The following SDK1 variants were observed in gnomAD, a reference collection of about 807,000 sequenced individuals.
The protein encoded by SDK1 is sidekick cell adhesion molecule 1.
In SDK1, 157 loss-of-function variants were observed where a neutral mutation model predicts 245.5. That is an observed-to-expected ratio of 0.64 (90% CI 0.56 to 0.73). The LOEUF (loss-of-function observed/expected upper bound fraction) is 0.73. Among genes scored for constraint, SDK1 ranks in the 30% least tolerant of loss-of-function variants. SDK1 has a pLI of 0.00. For synonymous variants in SDK1, 1,647 were observed against 1,278.5 expected (o/e 1.29, Z -6.15); for missense variants, 3,583 against 3,002.3 (o/e 1.19, Z -4.52).
chr7:3,602,715 C>T (rs972060748), intron 1 of SDK1, among the ~76,000 whole-genome samples: 2 of 152,002 alleles, frequency 1.3e-5, no homozygotes, highest in African/African-American at 4.8e-5. Context: ...CTTTTGTTGC[C>T]ATTGCTTTTG....
rs1584442005 is a variant in SDK1 at position 4,205,803 on chromosome 7, C to A, written c.5099-76C>A. ...GCGGAATTAGGGCATGCTCGAGCCC[C>A]ATGGGCATGTGGGCGAGGGTCCGGG... is the stretch of plus-strand genomic sequence containing the variant. On this transcript the variant is annotated intron_variant, in intron 35 of 44. Coordinates refer to ENST00000404826, the MANE Select transcript of SDK1 (RefSeq NM_152744.4). 3 of 1,170,514 alleles carry A rather than the reference C, an allele frequency of 2.6e-6. No individual in the cohort carries two copies. In the South Asian group the frequency reaches 4.0e-5, roughly 15 times the overall value. The allele number at this position is 1,170,514 out of a possible 1,614,324, so 72.5% of individuals were successfully genotyped here.
intron 1 of SDK1, among the ~76,000 whole-genome samples, chr7:3,321,710 C>T (rs1779807967): frequency 4.0e-5 from 2 of 50,610 alleles, no homozygotes; most frequent in Non-Finnish European, 7.3e-5. Context: ...CTCCTCCTCC[C>T]CCTCCCTCTC....
At chr7:4,225,640 C>T (rs936939304) in intron 40 of SDK1, among the ~76,000 whole-genome samples, 5 of 152,172 alleles carry the variant, frequency 3.3e-5, no homozygotes, top group Admixed American at 1.3e-4. Context: ...CCTGGCAGGC[C>T]GTGCGGATTA....
At position 4,033,806 on chromosome 7, in the gene SDK1, C is replaced by T. The variant is rs367650182; in HGVS notation, c.2603-15542C>T. 7.2e-5 allele frequency among the ~76,000 whole-genome samples: 11 copies of T among 152,146 alleles called. 1 individual carries two copies. In the South Asian group the frequency reaches 2.3e-3, roughly 32 times the overall value. On this transcript the variant is annotated intron_variant, in intron 17 of 44. Transcript: ENST00000404826. The stretch of plus-strand genomic sequence containing the variant: ...AAAGTCTGACAATACTCTGATGAGG[C>T]TCGGGGGAGGGGGAAGAGGCATTGC...
intron 1 of SDK1, among the ~76,000 whole-genome samples, chr7:3,397,653 T>C (rs1053638306): frequency 9.9e-5 from 15 of 152,042 alleles, no homozygotes; most frequent in African/African-American, 3.4e-4. Context: ...GTTTGACTCT[T>C]TGAGTTACCC....
At chr7:4,178,211 C>G (rs780309617) in intron 34 of SDK1, among the ~76,000 whole-genome samples, 5 of 152,188 alleles carry the variant, frequency 3.3e-5, no homozygotes, top group Non-Finnish European at 5.9e-5. Context: ...GTTCTAAATC[C>G]TTTACTTTAG....
At chr7:3,878,221 A>T (rs1161289688) in intron 5 of SDK1, among the ~76,000 whole-genome samples, 2 of 152,230 alleles carry the variant, frequency 1.3e-5, no homozygotes, top group Admixed American at 1.3e-4. Context: ...GTTGTTTAAA[A>T]AATAAATAAA....
intron 4 of SDK1, among the ~76,000 whole-genome samples, chr7:3,726,616 G>A (rs1388843140): frequency 6.6e-6 from 1 of 152,164 alleles, no homozygotes. Flanking sequence ...AAGGTTATAA[G>A]TTATGTTAAA....
At chr7:3,524,623 G>T (rs371338545) in intron 1 of SDK1, among the ~76,000 whole-genome samples, 44 of 152,298 alleles carry the variant, frequency 2.9e-4, no homozygotes, top group East Asian at 2.9e-3. Context: ...AACGTTTTTA[G>T]TTGAGAAATT....
At chr7:3,392,325 C>T (rs528338866) in intron 1 of SDK1, among the ~76,000 whole-genome samples, 3 of 152,124 alleles carry the variant, frequency 2.0e-5, no homozygotes, top group Non-Finnish European at 2.9e-5. Flanking sequence ...TCATGTCATT[C>T]GTTTTTATTG....
rs547587077 is a variant in SDK1, at chr7:4,175,915, G to A, written c.4996+81G>A. ...AGCCAGCTGGTCTCTCAGTGCAAGG[G>A]AAAACCAGCCTGGATTAATGGCTCC... On this transcript the variant is annotated intron_variant, in intron 34 of 44. Transcript: ENST00000404826. 400 of 1,241,076 alleles carry A rather than the reference G, an allele frequency of 3.2e-4. 5 individuals are homozygous for A. In the South Asian group the frequency reaches 4.5e-3, roughly 14 times the overall value. 76.9% of individuals were successfully genotyped at this position (1,241,076 alleles called of 1,614,324 possible). A position where few individuals can be genotyped will look rare whatever the true frequency, so the allele number is the denominator to read the frequency against.
At chr7:4,126,726 G>A (rs1372807375) in intron 25 of SDK1, among the ~76,000 whole-genome samples, 1 of 152,234 alleles carries the variant, frequency 6.6e-6, no homozygotes, top group Non-Finnish European at 1.5e-5. Flanking sequence ...TCTTACATGT[G>A]TATGGGTCGA....
At chr7:4,134,810 ATGTGCTTCATC>A (rs1346444789) in intron 28 of SDK1, 1 of 152,402 alleles carries the variant, frequency 6.6e-6, no homozygotes, top group East Asian at 1.9e-4. Flanking sequence ...GGAGCAAAGC[ATGTGCTTCATC>A]TGTGCTTCTC....
intron 4 of SDK1, among the ~76,000 whole-genome samples, chr7:3,679,220 C>G (rs1400136844): frequency 6.6e-6 from 1 of 152,198 alleles, no homozygotes; most frequent in African/African-American, 2.4e-5. Flanking sequence ...GGACTTTTAT[C>G]TGAAATCTGT....
intron 44 of SDK1, among the ~76,000 whole-genome samples, chr7:4,248,947 C>A (rs1435575544): frequency 6.8e-6 from 1 of 147,922 alleles, no homozygotes; most frequent in Non-Finnish European, 1.5e-5. Context: ...ATGCACAACA[C>A]ATACATACCT....
chr7:4,193,748 C>A (rs112742901), intron 35 of SDK1, among the ~76,000 whole-genome samples: 4 of 152,146 alleles, frequency 2.6e-5, no homozygotes, highest in Non-Finnish European at 5.9e-5. Context: ...TCAAGGCAAT[C>A]TTAGCAGACT....
chr7:4,228,589 G>C (rs1417496641), intron 40 of SDK1, among the ~76,000 whole-genome samples: 1 of 152,218 alleles, frequency 6.6e-6, no homozygotes, highest in Non-Finnish European at 1.5e-5. Flanking sequence ...GCCCAGGCTG[G>C]AGTGCAGTGG....
intron 19 of SDK1, among the ~76,000 whole-genome samples, chr7:4,053,291 C>G (rs1288271256): frequency 2.0e-5 from 3 of 151,918 alleles, no homozygotes; most frequent in Non-Finnish European, 4.4e-5. Context: ...TTGCAGAGGC[C>G]AAGGCCACCA....
At chr7:4,059,352 G>GTTTATCATTACA (rs1779392437) in intron 19 of SDK1, among the ~76,000 whole-genome samples, 1 of 152,090 alleles carries the variant, frequency 6.6e-6, no homozygotes, top group Admixed American at 6.5e-5. Flanking sequence ...GACAAAGAAG[G>GTTTATCATTACA]TTATTGTGTA....
Sources: allele counts gnomAD v4.1 joint callset (sites outside exome capture counted in the v4.1 genomes callset), GRCh38; gene constraint gnomAD v4.1.1; transcripts MANE v1.5; gene names NCBI Gene and HGNC (gene_info 2026-07-23, HGNC 2026-07-21).